Variants in PDCL2 observed in about 807,000 individuals in gnomAD.
PDCL2 encodes the protein phosducin like 2, also known as phosducin-like protein 2.
A neutral mutation model predicts 30.3 loss-of-function variants in PDCL2; 23 were observed. The ratio of observed to expected loss-of-function variants is 0.76; its 90% CI spans 0.55 to 1.08. PDCL2 has a LOEUF of 1.08. Ranked by LOEUF, PDCL2 falls within the 50% of genes least tolerant of loss-of-function variation. PDCL2 has a pLI of 0.00. For synonymous variants in PDCL2, 68 were observed against 86.2 expected (o/e 0.79, Z 1.17); for missense variants, 243 against 282.3 (o/e 0.86, Z 1.00).
chr4:55,573,889 TG>T (rs1560502322), intron 3 of PDCL2, among the ~76,000 whole-genome samples: 7 of 11,684 alleles, frequency 6.0e-4, no homozygotes, highest in East Asian at 6.4e-3. Context: ...AGTTTTTGTT[TG>T]TTTTTTGTTT....
At chr4:55,583,024 G>C (rs917831154) in intron 1 of PDCL2, among the ~76,000 whole-genome samples, 2 of 151,928 alleles carry the variant, frequency 1.3e-5, no homozygotes, top group Admixed American at 6.6e-5. Context: ...CACCCAAGCT[G>C]GAATGCAGTG....
intron 3 of PDCL2, among the ~76,000 whole-genome samples, chr4:55,575,994 G>A (rs1011059489): frequency 1.1e-4 from 17 of 152,242 alleles, no homozygotes; most frequent in African/African-American, 3.9e-4. Flanking sequence ...ATGAAGAAAC[G>A]AGGAACATGG....
chr4:55,568,150 T>C (rs1371538566), intron 4 of PDCL2, among the ~76,000 whole-genome samples: 1 of 152,176 alleles, frequency 6.6e-6, no homozygotes, highest in East Asian at 1.9e-4. Flanking sequence ...GATAAAAACA[T>C]TTATTATTCA....
intron 4 of PDCL2, 84 bp from the exon 5 acceptor site, chr4:55,562,696 CA>C: frequency 1.2e-6 from 1 of 839,930 alleles, no homozygotes; most frequent in Non-Finnish European, 1.8e-6. Flanking sequence ...ATCGCCATGG[CA>C]AAAATATATC....
chr4:55,570,915 C>T (rs180770407), intron 3 of PDCL2, among the ~76,000 whole-genome samples: 6 of 152,306 alleles, frequency 3.9e-5, no homozygotes, highest in Admixed American at 3.9e-4. Flanking sequence ...ATTCTTGATG[C>T]TCTGGCATCT....
chr4:55,556,699 T>G lies in PDCL2; in HGVS notation c.584A>C (p.Lys195Thr). ...CTGTATTGCTCCAACTTCTGCTAGC[T>G]TCCATTCAAGTTCTGTAATAAATAA... ...INLKLEELEW[K>T]LAEVGAIQTD... The change falls in exon 6 of 6, where the codon AAG becomes ACG. Residue 195 changes from lysine (K) to threonine (T), a missense_variant. Coordinates refer to ENST00000295645, the MANE Select transcript of PDCL2 (RefSeq NM_152401.3). The G allele has an allele frequency of 6.4e-7, 1 of 1,550,868 alleles. No homozygotes were observed. The highest frequency in any genetic ancestry group is 8.7e-7 in the Non-Finnish European group (1 of 1,148,314).
At chr4:55,588,380 T>C (rs1254616512) in intron 1 of PDCL2, among the ~76,000 whole-genome samples, 3 of 152,198 alleles carry the variant, frequency 2.0e-5, no homozygotes, top group Non-Finnish European at 4.4e-5. Flanking sequence ...AAATTGTGTA[T>C]TCAGTGGAAG....
intron 1 of PDCL2, among the ~76,000 whole-genome samples, chr4:55,590,196 CAAAAAA>C (rs1221085369): frequency 2.2e-4 from 8 of 37,092 alleles, no homozygotes; most frequent in Admixed American, 2.0e-3. Context: ...GGCTCTGTCT[CAAAAAA>C]AAAAAAAAAA....
intron 3 of PDCL2, among the ~76,000 whole-genome samples, chr4:55,577,755 C>CT (rs1397498998): frequency 6.6e-6 from 1 of 152,084 alleles, no homozygotes; most frequent in East Asian, 1.9e-4. Context: ...ATATTCCTAT[C>CT]TTTTTAGCTC....
intron 1 of PDCL2, among the ~76,000 whole-genome samples, chr4:55,590,444 G>A (rs1732970547): frequency 1.7e-5 from 2 of 118,328 alleles, no homozygotes; most frequent in Admixed American, 9.6e-5. Flanking sequence ...GGGTGACAGA[G>A]CAAGATCCTG....
chr4:55,563,221 T>TC (rs1158853148), intron 4 of PDCL2, among the ~76,000 whole-genome samples: 2 of 152,222 alleles, frequency 1.3e-5, no homozygotes, highest in African/African-American at 2.4e-5. Flanking sequence ...GATCGATTAG[T>TC]CCCTTTTCTC....
chr4:55,558,360 A>G (rs1006235750), intron 5 of PDCL2, among the ~76,000 whole-genome samples: 2 of 152,008 alleles, frequency 1.3e-5, no homozygotes, highest in Admixed American at 6.6e-5. Context: ...TTCTCATAAG[A>G]TCTGATGGTT....
At chr4:55,567,150 A>G (rs1236257861) in intron 4 of PDCL2, among the ~76,000 whole-genome samples, 2 of 152,194 alleles carry the variant, frequency 1.3e-5, no homozygotes, top group Non-Finnish European at 2.9e-5. Context: ...AATAAATAGT[A>G]TAGGTAATAT....
At chr4:55,557,503 C>A (rs543301193) in intron 5 of PDCL2, among the ~76,000 whole-genome samples, 29 of 152,206 alleles carry the variant, frequency 1.9e-4, no homozygotes, top group African/African-American at 5.5e-4. Flanking sequence ...GCAATAATGA[C>A]ATTAATCCAT....
intron 4 of PDCL2, among the ~76,000 whole-genome samples, chr4:55,563,049 G>A (rs770451710): frequency 5.3e-5 from 8 of 152,022 alleles, no homozygotes; most frequent in Non-Finnish European, 1.2e-4. Flanking sequence ...TGTCTTTCCT[G>A]ACTCCAACAA....
chr4:55,557,212 T>C (rs941011347), intron 5 of PDCL2, among the ~76,000 whole-genome samples: 1 of 152,242 alleles, frequency 6.6e-6, no homozygotes, highest in African/African-American at 2.4e-5. Flanking sequence ...AGCAAAGTTA[T>C]ACTGAAAGGG....
chr4:55,574,084 C>T (rs1357108082), intron 3 of PDCL2, among the ~76,000 whole-genome samples: 1 of 151,988 alleles, frequency 6.6e-6, no homozygotes, highest in Non-Finnish European at 1.5e-5. Context: ...GAGGAATTTG[C>T]TTTAAATCAG....
rs534116676 is a variant in PDCL2 at position 55,590,196 on chromosome 4, C to A, written c.6+1908G>T. Reference sequence around the variant, plus strand: ...TGGATGACAGAGCTAGGCTCTGTCTCAAAAAAAAAAAAAAAAAAAAAAAAA... The same window carrying A: ...TGGATGACAGAGCTAGGCTCTGTCTAAAAAAAAAAAAAAAAAAAAAAAAAA... On this transcript the variant is annotated intron_variant, in intron 1 of 5. Transcript: ENST00000295645. Among the ~76,000 whole-genome samples, 202 of 37,096 alleles carry A rather than the reference C, an allele frequency of 5.4e-3. 1 individual carries two copies. The highest frequency in any genetic ancestry group is 0.016 in the African/African-American group (128 of 7,776). 24.3% of individuals were successfully genotyped at this position (37,096 alleles called of 152,430 possible).
At chr4:55,562,912 GA>G (rs33953658) in intron 4 of PDCL2, among the ~76,000 whole-genome samples, 5,978 of 108,790 alleles carry the variant, frequency 0.055, 167 homozygotes, top group Non-Finnish European at 0.081. Context: ...CCAGTTTGTA[GA>G]AAAAAAAAAA....
Sources: allele counts gnomAD v4.1 joint callset (sites outside exome capture counted in the v4.1 genomes callset), GRCh38; gene constraint gnomAD v4.1.1; transcripts MANE v1.5; gene names NCBI Gene and HGNC (gene_info 2026-07-23, HGNC 2026-07-21).